The following PFKFB2 variants were observed in gnomAD, a reference collection of about 807,000 sequenced individuals.
PFKFB2 encodes 6-phosphofructo-2-kinase/fructose-2,6-bisphosphatase 2.
Under a neutral mutation model 68.0 loss-of-function variants are expected in PFKFB2, and 53 were observed. The ratio of observed to expected loss-of-function variants is 0.78; its 90% CI spans 0.63 to 0.98. PFKFB2 has a LOEUF of 0.98. Among genes scored for constraint, PFKFB2 ranks in the 50% least tolerant of loss-of-function variants. PFKFB2 has a pLI of 0.00. For missense variants in PFKFB2, 451 were observed against 642.0 expected (o/e 0.70, Z 3.22); for synonymous variants, 222 against 227.6 (o/e 0.98, Z 0.22).
At chr1:207,050,704 G>A (rs1223102759), upstream of PFKFB2, 9 of 1,613,170 alleles carry the variant, frequency 5.6e-6, no homozygotes, top group Non-Finnish European at 7.6e-6. Flanking sequence ...GGATGGGCAA[G>A]TCTTCCAGAA....
Position 207,067,714 on chromosome 1 carries a change from A to G in PFKFB2, c.840+8A>G. The G allele has an allele frequency of 6.2e-7, 1 of 1,603,644 alleles. No homozygotes were observed. The highest frequency in any genetic ancestry group is 8.5e-7 in the Non-Finnish European group (1 of 1,170,918). On this transcript the variant is annotated splice_region_variant and intron_variant, in intron 9 of 14. Transcript: ENST00000367080. ...TCGGTGCGGGGAAAGCAGGTGAGTAATTATTCAGCACACTGGATTTTCTAG... is the reference window on the plus strand; with the variant it reads ...TCGGTGCGGGGAAAGCAGGTGAGTAGTTATTCAGCACACTGGATTTTCTAG...
rs368825459 is a variant in PFKFB2 at position 207,073,788 on chromosome 1, T to C, written c.*1417T>C. The stretch of plus-strand genomic sequence containing the variant: ...TAGCCCCTTGATGACCATGATGGCT[T>C]ATTCTCTTTCCCAATTTTGCATGCA... On this transcript the variant is annotated 3_prime_UTR_variant, in exon 15 of 15. Coordinates refer to ENST00000367080, the MANE Select transcript of PFKFB2 (RefSeq NM_006212.2). 1.1e-4 allele frequency: 109 copies of C among 985,222 alleles called. 3 individuals are homozygous for C. The East Asian group carries it at 4.1e-3, about 37-fold the overall frequency. 61.0% of individuals were successfully genotyped at this position (985,222 alleles called of 1,614,324 possible). A position where few individuals can be genotyped will look rare whatever the true frequency, so the allele number is the denominator to read the frequency against.
chr1:207,077,532 G>A lies in PFKFB2; in HGVS notation c.*5161G>A. On this transcript the variant is annotated 3_prime_UTR_variant, in exon 15 of 15. Transcript: ENST00000367080. ...AAAATCAAAGGGCTGATCATACATG[G>A]TGCCCTTTGGGAAGGGGGATGGTGT... 3.0e-6 allele frequency: 3 copies of A among 985,724 alleles called. No homozygotes were observed. Among genetic ancestry groups the A allele is most frequent in the Non-Finnish European group, 3.6e-6 (3 of 829,928 alleles). The allele number at this position is 985,724 out of a possible 1,614,324, so 61.1% of individuals were successfully genotyped here.
At chr1:207,071,387 A>G in intron 13 of PFKFB2, 122 bp from the exon 14 acceptor site, 1 of 1,020,814 alleles carries the variant, frequency 9.8e-7, no homozygotes, top group Non-Finnish European at 1.6e-6. Flanking sequence ...TTTGAAAGGG[A>G]TGTATGCATG....
chr1:207,053,996 C>T (rs1005526015), intron 1 of PFKFB2, among the ~76,000 whole-genome samples: 5 of 150,192 alleles, frequency 3.3e-5, no homozygotes, highest in South Asian at 2.1e-4. Context: ...CTCCGCCTCC[C>T]GGGTTCAAGC....
intron 2 of PFKFB2, among the ~76,000 whole-genome samples, chr1:207,056,767 G>A (rs749755081): frequency 4.6e-5 from 7 of 152,000 alleles, no homozygotes; most frequent in African/African-American, 9.7e-5. Context: ...CTCTCCTCAC[G>A]TCACAGTCGG....
At chr1:207,037,520 T>C (rs1433722848) in intron 1 of PFKFB2, among the ~76,000 whole-genome samples, 1 of 152,248 alleles carries the variant, frequency 6.6e-6, no homozygotes, top group Non-Finnish European at 1.5e-5. Flanking sequence ...TTTAGATATA[T>C]CTTTTGAACT....
At chr1:207,064,577 T>C (rs1289544689) in intron 7 of PFKFB2, among the ~76,000 whole-genome samples, 4 of 152,202 alleles carry the variant, frequency 2.6e-5, no homozygotes, top group Non-Finnish European at 4.4e-5. Flanking sequence ...GGTTGTGCTC[T>C]GCTGGACCGA....
intron 8 of PFKFB2, 101 bp from the exon 9 acceptor site, chr1:207,067,398 C>G (rs1223066436): frequency 1.3e-6 from 1 of 767,640 alleles, no homozygotes; most frequent in Non-Finnish European, 2.2e-6. Flanking sequence ...GGAGGAAGAG[C>G]AGCTGTGAGC....
At position 207,072,835 on chromosome 1, in the gene PFKFB2, C is replaced by T. The variant is rs1683508022; in HGVS notation, c.*464C>T. ...CTCTTCAATGTGTGTTTTCCTCACA[C>T]TCCTTACTTGACTGCTTTCTTCCCC... On this transcript the variant is annotated 3_prime_UTR_variant, in exon 15 of 15. Coordinates refer to ENST00000367080, the MANE Select transcript of PFKFB2 (RefSeq NM_006212.2). 4 of 990,860 alleles carry T rather than the reference C, an allele frequency of 4.0e-6. No homozygotes were observed. The highest frequency in any genetic ancestry group is 1.7e-5 in the African/African-American group (1 of 57,316). The allele number at this position is 990,860 out of a possible 1,614,324, so 61.4% of individuals were successfully genotyped here.
At chr1:207,065,432 C>A in intron 8 of PFKFB2, 1 of 368,028 alleles carries the variant, frequency 2.7e-6, no homozygotes. Context: ...CCCACTGCAA[C>A]TGCTGCCCCC....
chr1:207,077,994 G>C (rs945649322), downstream of PFKFB2, among the ~76,000 whole-genome samples: 1 of 152,220 alleles, frequency 6.6e-6, no homozygotes, highest in Non-Finnish European at 1.5e-5. Flanking sequence ...ACCTTCTGGG[G>C]AAGATAGGAA....
At chr1:207,059,453 C>A (rs1474861161) in intron 2 of PFKFB2, among the ~76,000 whole-genome samples, 1 of 152,154 alleles carries the variant, frequency 6.6e-6, no homozygotes, top group Non-Finnish European at 1.5e-5. Flanking sequence ...GACAGCTGAT[C>A]CCATGCAGAG....
In PFKFB2 at chr1:207,036,683, C is replaced by CT. The variant is rs1373810619; in HGVS notation, c.-62+2217dup. Among the ~76,000 whole-genome samples the CT allele has an allele frequency of 2.0e-5, 3 of 152,152 alleles. No homozygotes were observed. The East Asian group carries it at 5.8e-4, about 29-fold the overall frequency. ...TAACTTCCTCTGCACCCATTTTCTT[C>CT]TTTTTTCCTGTCAGTACAACAACAA... On this transcript the variant is annotated intron_variant, in intron 1 of 5. Coordinates refer to the PFKFB2 transcript ENST00000545806.
At chr1:207,071,952 G>A (rs1402640740) in intron 14 of PFKFB2, among the ~76,000 whole-genome samples, 2 of 152,164 alleles carry the variant, frequency 1.3e-5, no homozygotes, top group African/African-American at 4.8e-5. Flanking sequence ...CTGGTAATCT[G>A]TGTGGTCTTC....
intron 2 of PFKFB2, among the ~76,000 whole-genome samples, chr1:207,043,304 T>C (rs1398118110): frequency 1.3e-5 from 2 of 152,222 alleles, no homozygotes; most frequent in African/African-American, 4.8e-5. Context: ...AAATATATTT[T>C]ATGCTGCTGT....
At position 207,061,077 on chromosome 1, in the gene PFKFB2, TTATATATCTTTA is replaced by T. The variant is rs1174121586; in HGVS notation, c.86-854_86-843del. 9 of 85,796 alleles carry T rather than the reference TTATATATCTTTA, an allele frequency of 1.0e-4. No individual in the cohort carries two copies. In the South Asian group the frequency reaches 1.3e-3, roughly 12 times the overall value. 5.3% of individuals were successfully genotyped at this position (85,796 alleles called of 1,614,324 possible). A position where few individuals can be genotyped will look rare whatever the true frequency, so the allele number is the denominator to read the frequency against. On this transcript the variant is annotated intron_variant, in intron 2 of 14. Transcript: ENST00000367080. ...TTTATATATATCTTTATATATATCT[TTATATATCTTTA>T]TATATATCTTTATATATATCTATAT...
At chr1:207,034,501 A>G (rs1013392221) in intron 1 of PFKFB2, 3 of 152,260 alleles carry the variant, frequency 2.0e-5, no homozygotes, top group Admixed American at 1.3e-4. Context: ...TGCTAAAAAA[A>G]TGAATTGACT....
chr1:207,050,634 A>C, upstream of PFKFB2: 1 of 1,601,810 alleles, frequency 6.2e-7, no homozygotes. Flanking sequence ...GTTCTCTCTC[A>C]CGCCCCTCTC....
Sources: allele counts gnomAD v4.1 joint callset (sites outside exome capture counted in the v4.1 genomes callset), GRCh38; gene constraint gnomAD v4.1.1; transcripts MANE v1.5; gene names NCBI Gene and HGNC (gene_info 2026-07-23, HGNC 2026-07-21).